The following DDX27 variants were observed in gnomAD, a reference collection of about 807,000 sequenced individuals.
DDX27 encodes the protein probable ATP-dependent RNA helicase DDX27.
Under a neutral mutation model 99.3 loss-of-function variants are expected in DDX27, and 42 were observed. That is an observed-to-expected ratio of 0.42 (90% CI 0.33 to 0.55). The LOEUF (loss-of-function observed/expected upper bound fraction) is 0.55. Among genes scored for constraint, DDX27 ranks in the 20% least tolerant of loss-of-function variants. The pLI, the probability that DDX27 is intolerant of heterozygous loss-of-function variation, is 0.07. For synonymous variants in DDX27, 329 were observed against 353.8 expected (o/e 0.93, Z 0.79); for missense variants, 798 against 976.8 (o/e 0.82, Z 2.44).
At chr20:49,233,738 G>A (rs1253183109) in intron 11 of DDX27, 29 bp downstream of exon 11, 2 of 1,603,866 alleles carry the variant, frequency 1.2e-6, no homozygotes, top group Non-Finnish European at 1.7e-6. Context: ...CCTGGGCAGG[G>A]TGGGCTGGTC....
At chr20:49,222,897 GT>G in intron 2 of DDX27, 59 bp from the exon 3 acceptor site, 1 of 1,420,074 alleles carries the variant, frequency 7.0e-7, no homozygotes, top group Non-Finnish European at 9.6e-7. Context: ...TGAAGAGTTT[GT>G]TCTCTTATTC....
chr20:49,223,169 C>T (rs1043928582), intron 3 of DDX27, 99 bp from the exon 4 acceptor site: 3 of 1,413,096 alleles, frequency 2.1e-6, no homozygotes, highest in Non-Finnish European at 2.9e-6. Context: ...CTGAGAATCC[C>T]CACAGCCGTT....
At chr20:49,220,682 G>A (rs1600960257) in intron 1 of DDX27, among the ~76,000 whole-genome samples, 1 of 152,234 alleles carries the variant, frequency 6.6e-6, no homozygotes, top group Admixed American at 6.5e-5. Context: ...AGCCCGCTGC[G>A]TGGGAGGTCA....
At chr20:49,233,468 C>T in intron 10 of DDX27, 63 bp downstream of exon 10, 3 of 1,603,040 alleles carry the variant, frequency 1.9e-6, no homozygotes, top group Non-Finnish European at 2.6e-6. Context: ...ATGCAGAGGA[C>T]CCTGGCTGGG....
At chr20:49,238,877 C>T (rs748094090) in intron 14 of DDX27, 72 bp from the exon 15 acceptor site, 14 of 1,111,082 alleles carry the variant, frequency 1.3e-5, no homozygotes, top group East Asian at 5.1e-5. Context: ...CCCAGAGTGC[C>T]GGGTTACAGG....
At chr20:49,240,360 T>A (rs929271211) in intron 16 of DDX27, among the ~76,000 whole-genome samples, 2 of 152,240 alleles carry the variant, frequency 1.3e-5, no homozygotes, top group Non-Finnish European at 2.9e-5. Flanking sequence ...CACATTGTTC[T>A]ATGCCTCGCC....
intron 16 of DDX27, chr20:49,241,671 G>C (rs1462656254): frequency 1.7e-6 from 1 of 605,054 alleles, no homozygotes; most frequent in Non-Finnish European, 3.0e-6. Flanking sequence ...GTTTCACCAT[G>C]TTGGCCATGC....
In DDX27 at chr20:49,228,700, T is replaced by C. The variant is rs199775966; in HGVS notation, c.707-15T>C. ...AAACTTCTTCTCATTGCTTCCTTGC[T>C]GTCCCTCCCTCCAGGTAAAACTGCC... is the stretch of plus-strand genomic sequence containing the variant. On this transcript the variant is annotated splice_polypyrimidine_tract_variant and intron_variant, in intron 7 of 20. Transcript: ENST00000618172. 2 of 1,579,906 alleles carry C rather than the reference T, an allele frequency of 1.3e-6. No homozygotes were observed. Among genetic ancestry groups the C allele is most frequent in the East Asian group, 2.3e-5 (1 of 42,940 alleles).
intron 9 of DDX27, 147 bp downstream of exon 9, chr20:49,230,496 T>C: frequency 2.2e-6 from 2 of 890,996 alleles, no homozygotes; most frequent in Non-Finnish European, 3.3e-6. Flanking sequence ...TGCTGGGGCC[T>C]CTGCCCAGCC....
chr20:49,243,536 A>G, intron 19 of DDX27, 93 bp from the exon 20 acceptor site: 1 of 1,089,028 alleles, frequency 9.2e-7, no homozygotes, highest in Non-Finnish European at 1.4e-6. Flanking sequence ...CAGAGATGCT[A>G]CTGCTTCATG....
At position 49,223,560 on chromosome 20, in the gene DDX27, ACTC is replaced by A. The variant is rs532001862; in HGVS notation, c.466+130_466+132del. 322 of 783,350 alleles carry A rather than the reference ACTC, an allele frequency of 4.1e-4. 5 individuals are homozygous for A. The East Asian group carries it at 9.1e-3, about 22-fold the overall frequency. 48.5% of individuals were successfully genotyped at this position (783,350 alleles called of 1,614,324 possible). ...TAAGCTGTTCTGCCTACTACATTGA[ACTC>A]CTTTCTTTCTTTTTTTTTTTTTTTT... On this transcript the variant is annotated intron_variant, in intron 4 of 20. Coordinates refer to ENST00000618172, the MANE Select transcript of DDX27 (RefSeq NM_017895.8).
At chr20:49,243,745 G>C (rs1465344556) in intron 20 of DDX27, 42 bp downstream of exon 20, 2 of 1,613,474 alleles carry the variant, frequency 1.2e-6, no homozygotes, top group Non-Finnish European at 1.7e-6. Context: ...TTTGGGATTA[G>C]AGATAAAAAC....
Position 49,221,591 on chromosome 20 carries a change from A to G in DDX27, c.233A>G (p.Lys78Arg), listed in dbSNP as rs775339115. The change falls in exon 2 of 21, where the codon AAG becomes AGG. Residue 78 changes from lysine (K) to arginine (R), a missense_variant. By Grantham distance (26) the Lys-to-Arg change is conservative. Transcript: ENST00000618172. ...CTGGCTGATGTCATGAGCCAACTCAAGAAGAAGGTGAGACTGACAGTGATG... is the reference window on the plus strand; with the variant it reads ...CTGGCTGATGTCATGAGCCAACTCAGGAAGAAGGTGAGACTGACAGTGATG... The part of the protein sequence containing the change: ...WALADVMSQL[K>R]KKRAATTLDE... The G allele has an allele frequency of 8.1e-6, 13 of 1,600,972 alleles. No individual in the cohort carries two copies. The highest frequency in any genetic ancestry group is 1.1e-5 in the Non-Finnish European group (13 of 1,173,178).
intron 12 of DDX27, 34 bp downstream of exon 12, chr20:49,235,122 A>G (rs1555881098): frequency 8.3e-6 from 13 of 1,559,294 alleles, no homozygotes; most frequent in South Asian, 2.4e-5. Context: ...GGCTCCCACC[A>G]TCCTTCTGGG....
At chr20:49,226,349 T>C in intron 6 of DDX27, 81 bp from the exon 7 acceptor site, 1 of 1,042,614 alleles carries the variant, frequency 9.6e-7, no homozygotes, top group South Asian at 1.6e-5. Flanking sequence ...TGGTCCCCAC[T>C]TGTCTGGAAA....
Position 49,219,439 on chromosome 20 carries a change from C to G in DDX27, c.-10C>G. 1 of 1,613,538 alleles carries G rather than the reference C, an allele frequency of 6.2e-7. No homozygotes were observed. Among genetic ancestry groups the G allele is most frequent in the Non-Finnish European group, 8.5e-7 (1 of 1,179,914 alleles). On this transcript the variant is annotated 5_prime_UTR_variant, in exon 1 of 21. Transcript: ENST00000618172. ...CTGTGCTCGCTTCCGGAAGTGGCTT[C>G]TGCGACAACATGCTTGCGGACCTCG...
chr20:49,235,100 G>C lies in DDX27; in HGVS notation c.1427+12G>C. 1 of 1,589,784 alleles carries C rather than the reference G, an allele frequency of 6.3e-7. No homozygotes were observed. The highest frequency in any genetic ancestry group is 8.6e-7 in the Non-Finnish European group (1 of 1,167,698). On this transcript the variant is annotated intron_variant, in intron 12 of 20. Coordinates refer to ENST00000618172, the MANE Select transcript of DDX27 (RefSeq NM_017895.8). Reference sequence around the variant, plus strand: ...CTGGAGGCCCTCCGGTAACATTTGGGGTGGGGACTGAGGCTCCCACCATCC... The same window carrying C: ...CTGGAGGCCCTCCGGTAACATTTGGCGTGGGGACTGAGGCTCCCACCATCC...
chr20:49,229,059 G>T (rs1980005414), intron 8 of DDX27, among the ~76,000 whole-genome samples, 171 bp downstream of exon 8: 1 of 145,090 alleles, frequency 6.9e-6, no homozygotes, highest in Admixed American at 7.0e-5. Context: ...TTTTGAGACG[G>T]AGGAGTCTCG....
At chr20:49,228,936 G>C in intron 8 of DDX27, 48 bp downstream of exon 8, 1 of 1,504,020 alleles carries the variant, frequency 6.6e-7, no homozygotes, top group Non-Finnish European at 8.9e-7. Context: ...CTGTGGTGGG[G>C]TGGAGGATGG....
Sources: allele counts gnomAD v4.1 joint callset (sites outside exome capture counted in the v4.1 genomes callset), GRCh38; gene constraint gnomAD v4.1.1; transcripts MANE v1.5; gene names NCBI Gene and HGNC (gene_info 2026-07-23, HGNC 2026-07-21).